The following BRAF variants were observed in gnomAD, a reference collection of about 807,000 sequenced individuals.
BRAF encodes the protein serine/threonine-protein kinase B-raf.
A neutral mutation model predicts 104.6 loss-of-function variants in BRAF; 16 were observed. The ratio of observed to expected loss-of-function variants is 0.15; its 90% confidence interval spans 0.10 to 0.23. The LOEUF is 0.23. Ranked by LOEUF, BRAF falls within the 10% of genes least tolerant of loss-of-function variation. The probability of loss-of-function intolerance (pLI) is 1.00; values close to 1 mark genes in which losing one functional copy is unlikely to be tolerated. For missense variants in BRAF, 541 were observed against 937.3 expected, an observed-to-expected ratio of 0.58 and a Z score of 5.52; for synonymous variants, 310 against 341.6, an observed-to-expected ratio of 0.91 and a Z score of 1.02.
intron 8 of BRAF, among the ~76,000 whole-genome samples, chr7:140,793,664 T>C (rs1802210929): frequency 6.6e-6 from 1 of 152,212 alleles, no homozygotes; most frequent in Non-Finnish European, 1.5e-5. Flanking sequence ...CTCACTCTGT[T>C]GCTCAGGCTG....
Position 140,726,330 on chromosome 7 carries a change from C to T in BRAF, c.*164G>A. 7.0e-7 allele frequency: 1 copy of T among 1,431,208 alleles called. No homozygotes were observed. The highest frequency in any genetic ancestry group is 9.1e-7 in the Non-Finnish European group (1 of 1,100,194). 88.7% of individuals were successfully genotyped at this position (1,431,208 alleles called of 1,614,324 possible). On this transcript the variant is annotated 3_prime_UTR_variant, in exon 20 of 20. Transcript: ENST00000644969. ...ATTCTGGTTCCTAAAACATTCTTTCCTCTTTTGTTGGATGGGAAATTCCAT... is the reference window on the plus strand; with the variant it reads ...ATTCTGGTTCCTAAAACATTCTTTCTTCTTTTGTTGGATGGGAAATTCCAT...
chr7:140,902,616 TCCAG>T (rs1440392078), intron 1 of BRAF, among the ~76,000 whole-genome samples: 1 of 152,092 alleles, frequency 6.6e-6, no homozygotes, highest in Non-Finnish European at 1.5e-5. Context: ...CAAGCACTAC[TCCAG>T]TGAATACATG....
At chr7:140,859,581 A>G (rs1810174599) in intron 1 of BRAF, among the ~76,000 whole-genome samples, 1 of 152,322 alleles carries the variant, frequency 6.6e-6, no homozygotes, top group South Asian at 2.1e-4. Context: ...GGAAGATTCA[A>G]TATTATAATG....
chr7:140,763,249 C>T (rs537414787), intron 14 of BRAF, among the ~76,000 whole-genome samples: 37 of 151,636 alleles, frequency 2.4e-4, no homozygotes, highest in African/African-American at 8.7e-4. Context: ...GACCCCCCAA[C>T]CTCCCTCCCG....
In BRAF at chr7:140,821,563, C is replaced by T. The variant is rs1481869449; in HGVS notation, c.505-12568G>A. Reference sequence around the variant, plus strand: ...AAGTGATCCTCCCGCCTCAACCTCCCAAAGTGCTGGCAAAAAACAACAGAT... The same window carrying T: ...AAGTGATCCTCCCGCCTCAACCTCCTAAAGTGCTGGCAAAAAACAACAGAT... On this transcript the variant is annotated intron_variant, in intron 3 of 19. Coordinates refer to ENST00000644969, the MANE Select transcript of BRAF (RefSeq NM_001374258.1). 1.3e-5 allele frequency among the ~76,000 whole-genome samples: 2 copies of T among 151,936 alleles called. 1 individual carries two copies. The highest frequency in any genetic ancestry group is 4.8e-5 in the African/African-American group (2 of 41,364).
At chr7:140,877,473 C>T (rs909794266) in intron 1 of BRAF, among the ~76,000 whole-genome samples, 2 of 151,782 alleles carry the variant, frequency 1.3e-5, no homozygotes, top group African/African-American at 2.4e-5. Context: ...TCTTAAGAAA[C>T]TTGAAGAACT....
intron 17 of BRAF, chr7:140,747,440 C>G (rs767899322): frequency 2.3e-4 from 293 of 1,288,396 alleles, no homozygotes; most frequent in Middle Eastern, 4.3e-4. Context: ...CCATGGAGGA[C>G]AAAGCACCTA....
intron 14 of BRAF, among the ~76,000 whole-genome samples, chr7:140,761,242 T>G (rs1387656921): frequency 1.3e-5 from 2 of 152,048 alleles, no homozygotes; most frequent in Non-Finnish European, 2.9e-5. Flanking sequence ...TTCAACATTC[T>G]TAAAGAAAAC....
At chr7:140,746,831 GAA>G (rs564277671) in intron 17 of BRAF, among the ~76,000 whole-genome samples, 1 of 119,212 alleles carries the variant, frequency 8.4e-6, no homozygotes, top group Non-Finnish European at 1.8e-5. Flanking sequence ...CTCCGTCTTG[GAA>G]AAAAAAAAAA....
chr7:140,864,242 G>C (rs1810708541), intron 1 of BRAF, among the ~76,000 whole-genome samples: 2 of 152,204 alleles, frequency 1.3e-5, no homozygotes, highest in African/African-American at 4.8e-5. Flanking sequence ...GTTGTGTTAA[G>C]CAAGAGATGA....
At chr7:140,834,553 G>C in intron 3 of BRAF, 56 bp downstream of exon 3, 1 of 1,595,660 alleles carries the variant, frequency 6.3e-7, no homozygotes. Context: ...TTCAACAACT[G>C]ATCTGTCTGA....
At position 140,723,162 on chromosome 7, in the gene BRAF, T is replaced by G. The variant is rs957325999; in HGVS notation, c.*3332A>C. Reference sequence around the variant, plus strand: ...ATGAGGTTTGCAAGCAGCTGGCGGGTGGATGTACAGTGGGGACAGGTGAGA... The same window carrying G: ...ATGAGGTTTGCAAGCAGCTGGCGGGGGGATGTACAGTGGGGACAGGTGAGA... On this transcript the variant is annotated 3_prime_UTR_variant, in exon 20 of 20. Transcript: ENST00000644969. 169 of 1,053,086 alleles carry G rather than the reference T, an allele frequency of 1.6e-4. No homozygotes were observed. The African/African-American group carries it at 2.7e-3, about 17-fold the overall frequency. The allele number at this position is 1,053,086 out of a possible 1,614,324, so 65.2% of individuals were successfully genotyped here. A position where few individuals can be genotyped will look rare whatever the true frequency, so the allele number is the denominator to read the frequency against.
At chr7:140,771,628 G>C (rs997340318) in intron 14 of BRAF, among the ~76,000 whole-genome samples, 2 of 152,188 alleles carry the variant, frequency 1.3e-5, no homozygotes, top group African/African-American at 4.8e-5. Context: ...AGTCAGAAAA[G>C]ATCACTTTCA....
At chr7:140,870,099 A>T (rs1314942929) in intron 1 of BRAF, among the ~76,000 whole-genome samples, 2 of 152,200 alleles carry the variant, frequency 1.3e-5, no homozygotes, top group Non-Finnish European at 1.5e-5. Context: ...AATAGAGAGA[A>T]AAGAGAAATA....
intron 3 of BRAF, among the ~76,000 whole-genome samples, chr7:140,827,050 T>C (rs969580294): frequency 7.2e-5 from 11 of 152,206 alleles, no homozygotes; most frequent in Admixed American, 2.0e-4. Flanking sequence ...GTCTAATTGT[T>C]TCCTCATGGT....
At chr7:140,864,796 G>T (rs1214282908) in intron 1 of BRAF, among the ~76,000 whole-genome samples, 1 of 152,166 alleles carries the variant, frequency 6.6e-6, no homozygotes, top group Non-Finnish European at 1.5e-5. Flanking sequence ...AATAGAGCAT[G>T]TTTGTGGCTA....
chr7:140,731,664 G>A (rs1042299608), intron 19 of BRAF: 19 of 152,122 alleles, frequency 1.2e-4, no homozygotes, highest in African/African-American at 4.6e-4. Context: ...GCTGGTATAT[G>A]CCATCCGAGG....
At chr7:140,796,429 T>C (rs779000100) in intron 7 of BRAF, among the ~76,000 whole-genome samples, 4 of 151,488 alleles carry the variant, frequency 2.6e-5, no homozygotes, top group Non-Finnish European at 5.9e-5. Flanking sequence ...TAATAATTGA[T>C]CTGGGATAGG....
intron 1 of BRAF, among the ~76,000 whole-genome samples, chr7:140,864,471 T>C (rs1810730132): frequency 6.6e-6 from 1 of 152,076 alleles, no homozygotes; most frequent in African/African-American, 2.4e-5. Flanking sequence ...TTTAGAACCC[T>C]GGAGGAGAGA....
Sources: gnomAD v4.1 joint callset for allele counts (sites outside exome capture counted in the v4.1 genomes callset) on GRCh38, gnomAD v4.1.1 for gene constraint, MANE v1.5 for transcripts, NCBI Gene and HGNC (gene_info 2026-07-23, HGNC 2026-07-21) for gene names.